The following RNF157 variants were observed in gnomAD, a reference collection of about 807,000 sequenced individuals.
RNF157 encodes ring finger protein 157, also known as E3 ubiquitin ligase RNF157.
RNF157 carries 55 observed loss-of-function variants against 88.3 expected under a neutral mutation model. The observed-to-expected ratio is 0.62, with a 90% CI of 0.50 to 0.78. The LOEUF is 0.78. Ranked by LOEUF, RNF157 falls within the 30% of genes least tolerant of loss-of-function variation. The pLI is 0.00. For synonymous variants in RNF157, 334 were observed against 341.2 expected, an observed-to-expected ratio of 0.98 and a Z score of 0.23; for missense variants, 788 against 860.8, an observed-to-expected ratio of 0.92 and a Z score of 1.06.
chr17:76,171,887 G>T (rs1194157382), intron 3 of RNF157, among the ~76,000 whole-genome samples: 2 of 152,226 alleles, frequency 1.3e-5, no homozygotes, highest in East Asian at 3.9e-4. Flanking sequence ...CACGGCAGAG[G>T]CTATGACCTC....
intron 2 of RNF157, among the ~76,000 whole-genome samples, chr17:76,209,836 T>C (rs1045387727): frequency 3.9e-5 from 6 of 152,206 alleles, no homozygotes; most frequent in Admixed American, 3.9e-4. Flanking sequence ...CTTGGCTTAC[T>C]GCAACCTCCG....
chr17:76,192,814 C>G (rs2069408533), intron 2 of RNF157, among the ~76,000 whole-genome samples: 1 of 148,780 alleles, frequency 6.7e-6, no homozygotes, highest in Non-Finnish European at 1.5e-5. Flanking sequence ...GACACAGGTT[C>G]TTGTTTCAGC....
At chr17:76,155,883 T>C (rs2068755659) in intron 14 of RNF157, 149 bp from the exon 15 acceptor site, 3 of 713,428 alleles carry the variant, frequency 4.2e-6, no homozygotes, top group Non-Finnish European at 4.5e-6. Flanking sequence ...TTTAGGTTTA[T>C]GGTTTTCCAA....
intron 1 of RNF157, among the ~76,000 whole-genome samples, chr17:76,222,417 C>T (rs1422696314): frequency 2.0e-5 from 3 of 151,928 alleles, no homozygotes; most frequent in Non-Finnish European, 4.4e-5. Flanking sequence ...CAAAATGCCA[C>T]TGAGTCGTTC....
At chr17:76,196,337 T>C (rs1170563356) in intron 2 of RNF157, among the ~76,000 whole-genome samples, 2 of 152,186 alleles carry the variant, frequency 1.3e-5, no homozygotes, top group South Asian at 2.1e-4. Context: ...GAAGTTAGGA[T>C]TGCGGTTACC....
rs1201729162 is a variant in RNF157, at chr17:76,161,950, G to A, written c.845C>T (p.Ser282Leu). ...CAGAATCAAGGTGTCCCGGACATCCGAGAGACACACCACACACTCGGCACT... is the reference window on the plus strand; with the variant it reads ...CAGAATCAAGGTGTCCCGGACATCCAAGAGACACACCACACACTCGGCACT... ...DNSAECVVCL[S>L]DVRDTLILPC... The change falls in exon 10 of 19, where the codon TCG becomes TTG. Residue 282 changes from serine to leucine, a missense_variant. Ser to Leu is a moderately radical substitution (Grantham distance 145, BLOSUM62 -2). Transcript: ENST00000269391. This position sits in a 1 kb window ranked among gnomAD's most constrained non-coding sequence, Gnocchi z 4.6. The A allele has an allele frequency of 1.2e-6, 2 of 1,614,182 alleles. No individual in the cohort carries two copies. The highest frequency in any genetic ancestry group is 1.7e-6 in the Non-Finnish European group (2 of 1,180,036).
At chr17:76,205,894 TC>T in intron 2 of RNF157, among the ~76,000 whole-genome samples, 1 of 152,058 alleles carries the variant, frequency 6.6e-6, no homozygotes, top group South Asian at 2.1e-4. Context: ...TCAACTACTT[TC>T]CTTATAAAAT....
At chr17:76,194,634 C>T (rs1194141788) in intron 2 of RNF157, among the ~76,000 whole-genome samples, 3 of 152,188 alleles carry the variant, frequency 2.0e-5, no homozygotes, top group South Asian at 2.1e-4. Flanking sequence ...GATTAGGTTT[C>T]CTTCCAGTTT....
chr17:76,233,068 C>T (rs940423747), intron 1 of RNF157, among the ~76,000 whole-genome samples: 7 of 152,074 alleles, frequency 4.6e-5, no homozygotes, highest in African/African-American at 1.4e-4. Flanking sequence ...CTACAGGTAC[C>T]GGCCACCACG....
rs1379549903 is a variant in RNF157, at chr17:76,207,120, T to C, written c.207+5244A>G. 2.0e-5 allele frequency among the ~76,000 whole-genome samples: 3 copies of C among 152,126 alleles called. No homozygotes were observed. The East Asian group carries it at 5.8e-4, about 29-fold the overall frequency. ...AAATCTGACCCTTAAGACTTGATAA[T>C]AAATTTGGCTTTGGGCCGGGCTTGG... On this transcript the variant is annotated intron_variant, in intron 2 of 18. Transcript: ENST00000269391.
At chr17:76,231,743 T>C (rs1295392909) in intron 1 of RNF157, among the ~76,000 whole-genome samples, 1 of 152,242 alleles carries the variant, frequency 6.6e-6, no homozygotes. Flanking sequence ...CAAACCCCTC[T>C]GTGCTGTTAT....
At chr17:76,156,514 CA>C in intron 13 of RNF157, 193 bp from the exon 14 acceptor site, 3 of 1,412,216 alleles carry the variant, frequency 2.1e-6, no homozygotes, top group Non-Finnish European at 2.8e-6. Flanking sequence ...GACTGCCTCC[CA>C]GGGGAGGCGC....
intron 2 of RNF157, among the ~76,000 whole-genome samples, chr17:76,185,487 T>TTTTTTTTTTTTTTG (rs1568047329): frequency 2.7e-5 from 4 of 149,978 alleles, no homozygotes; most frequent in African/African-American, 7.5e-5. Flanking sequence ...TTTTTTTTTT[T>TTTTTTTTTTTTTTG]GAGACGGAGT....
At chr17:76,153,532 G>C (rs1295446337) in intron 17 of RNF157, 1 of 152,328 alleles carries the variant, frequency 6.6e-6, no homozygotes, top group African/African-American at 2.4e-5. Context: ...AGAGCAGCAG[G>C]GGGAAGAGTC....
chr17:76,161,031 TAAAG>T lies in RNF157; in HGVS notation c.1065+500_1065+503del, dbSNP rs1568029312. ...AATCTCTCCCAGCAGTGCGTTAGTCTAAAGAAAGACAGTATCTGCTGCTCTCTAA... is the reference window on the plus strand; with the variant it reads ...AATCTCTCCCAGCAGTGCGTTAGTCTAAAGACAGTATCTGCTGCTCTCTAA... On this transcript the variant is annotated intron_variant, in intron 11 of 18. Coordinates refer to ENST00000269391, the MANE Select transcript of RNF157 (RefSeq NM_052916.3). The surrounding 1 kb of genome is among the most constrained non-coding windows in gnomAD (Gnocchi z 4.6). Among the ~76,000 whole-genome samples the T allele has an allele frequency of 6.6e-6, 1 of 152,196 alleles. No individual in the cohort carries two copies. Among genetic ancestry groups the T allele is most frequent in the Admixed American group, 6.5e-5 (1 of 15,280 alleles).
rs145563025 is a variant in RNF157, at chr17:76,212,479, C to T, written c.92G>A (p.Ser31Asn). 3,882 of 1,597,686 alleles carry T rather than the reference C, an allele frequency of 2.4e-3. 48 individuals are homozygous for T. The Middle Eastern group carries it at 0.029, about 12-fold the overall frequency. ...SVYRYPPKSG[S>N]YFASHFIMGG... is the part of the protein sequence containing the mutation. ...CATAATGAAGTGGCTGGCAAAATAG[C>T]TTCCTAGAGAGGAACAAACAAAAAA... The change falls in exon 2 of 19, where the codon AGC becomes AAC. Residue 31 changes from serine to asparagine, a missense_variant. Physicochemically the swap from Ser to Asn is conservative, Grantham distance 46. Transcript: ENST00000269391.
chr17:76,152,498 T>G lies in RNF157; in HGVS notation c.1811-33A>C, dbSNP rs760713433. On this transcript the variant is annotated intron_variant, in intron 17 of 18. Transcript: ENST00000269391. ...GGAGTTAATGCAGTTAGAGAGGGGCTGGCTGTGTTTTTCTCTGCGTTGCTG... is the reference window on the plus strand; with the variant it reads ...GGAGTTAATGCAGTTAGAGAGGGGCGGGCTGTGTTTTTCTCTGCGTTGCTG... The G allele has an allele frequency of 3.6e-6, 5 of 1,379,812 alleles. No homozygotes were observed. The South Asian group carries it at 5.8e-5, about 16-fold the overall frequency. The allele number at this position is 1,379,812 out of a possible 1,614,324, so 85.5% of individuals were successfully genotyped here.
At chr17:76,224,788 C>T (rs916391689) in intron 1 of RNF157, among the ~76,000 whole-genome samples, 2 of 152,018 alleles carry the variant, frequency 1.3e-5, no homozygotes, top group Non-Finnish European at 2.9e-5. Flanking sequence ...ATTTGTGTTG[C>T]GCTGCATTCA....
At chr17:76,151,050 G>T (rs1048693918) in intron 18 of RNF157, among the ~76,000 whole-genome samples, 3 of 152,230 alleles carry the variant, frequency 2.0e-5, no homozygotes, top group Non-Finnish European at 4.4e-5. Context: ...AAGGCAGGGA[G>T]TGAAGCAGCC....
Sources: allele counts gnomAD v4.1 joint callset (sites outside exome capture counted in the v4.1 genomes callset), GRCh38; gene constraint gnomAD v4.1.1; non-coding constraint Gnocchi (gnomAD v3.1); transcripts MANE v1.5; gene names NCBI Gene and HGNC (gene_info 2026-07-23, HGNC 2026-07-21).